LDLRAD4: variants seen among roughly 807,000 people sequenced by gnomAD.
LDLRAD4 encodes the protein low-density lipoprotein receptor class A domain-containing protein 4.
LDLRAD4 carries 5 observed loss-of-function variants against 17.0 expected under a neutral mutation model. The ratio of observed to expected loss-of-function variants is 0.29; its 90% CI spans 0.15 to 0.62. The LOEUF is 0.62. Among genes scored for constraint, LDLRAD4 ranks in the 20% least tolerant of loss-of-function variants. The pLI, the probability that LDLRAD4 is intolerant of heterozygous loss-of-function variation, is 0.84. For synonymous variants in LDLRAD4, 168 were observed against 171.8 expected, an observed-to-expected ratio of 0.98 and a Z score of 0.17; for missense variants, 340 against 424.7, an observed-to-expected ratio of 0.80 and a Z score of 1.75.
chr18:13,598,492 C>G (rs1403227608), intron 3 of LDLRAD4, among the ~76,000 whole-genome samples: 2 of 152,238 alleles, frequency 1.3e-5, no homozygotes, highest in African/African-American at 4.8e-5. Context: ...ATTCAGGCCC[C>G]TTTGCAGGGG....
At chr18:13,395,873 CGGTTTGATA>C (rs2086652541) in intron 2 of LDLRAD4, among the ~76,000 whole-genome samples, 1 of 152,084 alleles carries the variant, frequency 6.6e-6, no homozygotes, top group Non-Finnish European at 1.5e-5. Flanking sequence ...TCCTTATATC[CGGTTTGATA>C]GGGCTTTTAG....
intron 3 of LDLRAD4, among the ~76,000 whole-genome samples, chr18:13,531,212 G>A (rs1381804647): frequency 1.3e-5 from 2 of 152,190 alleles, no homozygotes; most frequent in African/African-American, 4.8e-5. Flanking sequence ...TCAAGATTAA[G>A]TCACATGCTT....
intron 1 of LDLRAD4, among the ~76,000 whole-genome samples, chr18:13,308,446 G>A (rs911208282): frequency 1.3e-5 from 2 of 152,230 alleles, no homozygotes; most frequent in East Asian, 3.8e-4. Flanking sequence ...GATGTGCCAA[G>A]GCCAGAGCGT....
At chr18:13,544,131 C>T (rs921051093) in intron 3 of LDLRAD4, among the ~76,000 whole-genome samples, 5 of 152,232 alleles carry the variant, frequency 3.3e-5, no homozygotes, top group African/African-American at 7.2e-5. Flanking sequence ...TATGAAGCCA[C>T]GCTGCTTTTC....
intron 3 of LDLRAD4, among the ~76,000 whole-genome samples, chr18:13,567,077 G>A (rs990845715): frequency 2.0e-5 from 3 of 152,194 alleles, no homozygotes; most frequent in African/African-American, 7.2e-5. Flanking sequence ...GCCAGTGCAC[G>A]CAGACTTGTT....
chr18:13,281,775 C>T (rs1314557448), intron 1 of LDLRAD4, among the ~76,000 whole-genome samples: 1 of 152,162 alleles, frequency 6.6e-6, no homozygotes, highest in Non-Finnish European at 1.5e-5. Flanking sequence ...TCTCCTCTTA[C>T]CTCCTGTCTC....
chr18:13,352,630 A>G (rs1243332717), intron 1 of LDLRAD4, among the ~76,000 whole-genome samples: 1 of 152,104 alleles, frequency 6.6e-6, no homozygotes, highest in Non-Finnish European at 1.5e-5. Context: ...GTATTTTCTC[A>G]AAGTTGAGAC....
intron 3 of LDLRAD4, among the ~76,000 whole-genome samples, chr18:13,458,118 C>T (rs541651833): frequency 1.2e-4 from 18 of 152,272 alleles, no homozygotes; most frequent in Admixed American, 3.3e-4. Context: ...TGGACCAAGA[C>T]TACAGCCTGC....
chr18:13,402,676 A>G (rs1479507772), intron 2 of LDLRAD4, among the ~76,000 whole-genome samples: 3 of 152,230 alleles, frequency 2.0e-5, no homozygotes, highest in Non-Finnish European at 4.4e-5. Context: ...GACAGCAATT[A>G]GTAAACATAT....
chr18:13,620,149 T>A (rs2040481178), intron 3 of LDLRAD4, among the ~76,000 whole-genome samples: 1 of 152,108 alleles, frequency 6.6e-6, no homozygotes, highest in African/African-American at 2.4e-5. Flanking sequence ...TCGCCCCACG[T>A]ATGAGCGGAT....
upstream of LDLRAD4, chr18:13,218,015 C>T (rs1037383286): frequency 4.0e-5 from 6 of 151,364 alleles, no homozygotes; most frequent in South Asian, 2.0e-4. Flanking sequence ...CACAGCGCCC[C>T]TCCCCCTGGC....
In LDLRAD4 at chr18:13,621,166, G is replaced by A; in HGVS notation, c.231G>A (p.Val77=). 6.2e-7 allele frequency: 1 copy of A among 1,614,216 alleles called. No individual in the cohort carries two copies. The highest frequency in any genetic ancestry group is 8.5e-7 in the Non-Finnish European group (1 of 1,180,018). The change falls in exon 4 of 6, where the codon GTG becomes GTA. Residue 77 remains valine, a synonymous_variant. Transcript: ENST00000359446. The surrounding 1 kb of genome is among the most constrained non-coding windows in gnomAD (Gnocchi z 5.5). ...TCATCATCGTCGTGGTGGTCACGGT[G>A]ATGGTGGTGGTCATCGTCTGCCTGC...
intron 3 of LDLRAD4, among the ~76,000 whole-genome samples, chr18:13,557,150 T>C (rs1184560849): frequency 2.7e-5 from 4 of 150,532 alleles, no homozygotes; most frequent in African/African-American, 9.8e-5. Flanking sequence ...AAAAAAAAAT[T>C]AGTCAGGCAT....
Position 13,374,144 on chromosome 18 carries a change from T to A in LDLRAD4, c.-382-13197T>A, listed in dbSNP as rs1382104304. On this transcript the variant is annotated intron_variant, in intron 1 of 5. Transcript: ENST00000359446. ...AATTACACGTAAATGTTGGCTGTTT[T>A]GTTACCTTCTGACCCACATAGGTCG... is the stretch of plus-strand genomic sequence containing the variant. 2.6e-5 allele frequency among the ~76,000 whole-genome samples: 4 copies of A among 152,262 alleles called. No individual in the cohort carries two copies. In the East Asian group the frequency reaches 7.7e-4, roughly 29 times the overall value.
chr18:13,291,836 G>T (rs1166743581), intron 1 of LDLRAD4, among the ~76,000 whole-genome samples: 1 of 152,192 alleles, frequency 6.6e-6, no homozygotes, highest in Admixed American at 6.5e-5. Flanking sequence ...TTATGCTTAA[G>T]ATTGACTGGG....
chr18:13,380,333 A>T (rs2085259053), intron 1 of LDLRAD4, among the ~76,000 whole-genome samples: 1 of 152,126 alleles, frequency 6.6e-6, no homozygotes, highest in Admixed American at 6.5e-5. Flanking sequence ...CTAGCATTGC[A>T]GGCTCTCCCT....
At chr18:13,460,435 T>G (rs573804486) in intron 3 of LDLRAD4, among the ~76,000 whole-genome samples, 1 of 152,274 alleles carries the variant, frequency 6.6e-6, no homozygotes, top group Non-Finnish European at 1.5e-5. Context: ...CAAGCAGTCC[T>G]CCTGCCTCAG....
chr18:13,594,763 G>C (rs192369702), intron 3 of LDLRAD4, among the ~76,000 whole-genome samples: 186 of 151,530 alleles, frequency 1.2e-3, no homozygotes, highest in African/African-American at 4.2e-3. Flanking sequence ...GTGGGGAAGT[G>C]TTCTCTTCTC....
chr18:13,353,980 A>G (rs958581877), intron 1 of LDLRAD4, among the ~76,000 whole-genome samples: 7 of 152,150 alleles, frequency 4.6e-5, no homozygotes, highest in Admixed American at 2.0e-4. Context: ...TGCTGATGTC[A>G]CTGCTCCAGA....
Sources: allele counts gnomAD v4.1 joint callset (sites outside exome capture counted in the v4.1 genomes callset), GRCh38; gene constraint gnomAD v4.1.1; non-coding constraint Gnocchi (gnomAD v3.1); transcripts MANE v1.5; gene names NCBI Gene and HGNC (gene_info 2026-07-23, HGNC 2026-07-21).